The following MDGA2 variants were observed in gnomAD, a reference collection of about 807,000 sequenced individuals.
MDGA2 encodes the protein MAM domain-containing glycosylphosphatidylinositol anchor protein 2.
In MDGA2, 40 loss-of-function variants were observed where a neutral mutation model predicts 117.8. The ratio of observed to expected loss-of-function variants is 0.34; its 90% CI spans 0.26 to 0.44. MDGA2 has a LOEUF of 0.44. MDGA2 is among the 20% of genes least tolerant of loss of function. The probability of loss-of-function intolerance (pLI) is 1.00; values close to 1 mark genes in which losing one functional copy is unlikely to be tolerated. For synonymous variants in MDGA2, 452 were observed against 439.0 expected, an observed-to-expected ratio of 1.03 and a Z score of -0.37; for missense variants, 1,123 against 1,250.6, an observed-to-expected ratio of 0.90 and a Z score of 1.54.
At chr14:47,128,925 G>A (rs1882044546) in intron 5 of MDGA2, among the ~76,000 whole-genome samples, 3 of 151,990 alleles carry the variant, frequency 2.0e-5, no homozygotes, top group South Asian at 4.1e-4. Context: ...TCCTGACCTC[G>A]TGATCTGCCC....
At chr14:47,513,365 T>C (rs1452155730) in intron 1 of MDGA2, among the ~76,000 whole-genome samples, 1 of 152,122 alleles carries the variant, frequency 6.6e-6, no homozygotes, top group East Asian at 1.9e-4. Context: ...ACAATCACTT[T>C]AATATATACA....
intron 9 of MDGA2, among the ~76,000 whole-genome samples, chr14:46,945,320 T>G (rs1885135012): frequency 6.6e-6 from 1 of 152,126 alleles, no homozygotes; most frequent in Non-Finnish European, 1.5e-5. Flanking sequence ...GAATAAGTCT[T>G]TACTCTGACA....
chr14:46,951,810 TG>T (rs775506513), intron 9 of MDGA2, among the ~76,000 whole-genome samples: 3 of 151,976 alleles, frequency 2.0e-5, no homozygotes, highest in Non-Finnish European at 2.9e-5. Flanking sequence ...AAGCCATGCT[TG>T]GAATCCTGAC....
At chr14:47,202,287 T>G (rs1414279636) in intron 3 of MDGA2, among the ~76,000 whole-genome samples, 2 of 152,336 alleles carry the variant, frequency 1.3e-5, no homozygotes, top group East Asian at 1.9e-4. Context: ...ATCATGGGCC[T>G]TTGATAAAGA....
At chr14:47,596,457 A>G (rs1896544402) in intron 1 of MDGA2, among the ~76,000 whole-genome samples, 2 of 152,118 alleles carry the variant, frequency 1.3e-5, no homozygotes, top group Admixed American at 1.3e-4. Context: ...TTGATGTTTC[A>G]TATATTCAGG....
chr14:47,414,617 C>A (rs977857017), intron 1 of MDGA2, among the ~76,000 whole-genome samples: 1 of 152,062 alleles, frequency 6.6e-6, no homozygotes, highest in Non-Finnish European at 1.5e-5. Context: ...TTCCAGAGCT[C>A]TACAAAAATG....
At chr14:47,271,219 C>T (rs1888133325) in intron 2 of MDGA2, among the ~76,000 whole-genome samples, 1 of 152,178 alleles carries the variant, frequency 6.6e-6, no homozygotes, top group Non-Finnish European at 1.5e-5. Flanking sequence ...ATACTAGCAA[C>T]AGCTTCACCT....
intron 1 of MDGA2, among the ~76,000 whole-genome samples, chr14:47,451,025 A>T (rs1163207098): frequency 6.6e-6 from 1 of 152,054 alleles, no homozygotes; most frequent in Non-Finnish European, 1.5e-5. Context: ...AGGGATACTA[A>T]AATGGCAGCT....
At chr14:47,418,287 T>C (rs1381385324) in intron 1 of MDGA2, among the ~76,000 whole-genome samples, 1 of 151,790 alleles carries the variant, frequency 6.6e-6, no homozygotes, top group Non-Finnish European at 1.5e-5. Flanking sequence ...GGTTTCACCA[T>C]GGTGGCCAGG....
At chr14:47,560,512 A>C (rs1021777164) in intron 1 of MDGA2, among the ~76,000 whole-genome samples, 4 of 152,202 alleles carry the variant, frequency 2.6e-5, no homozygotes, top group Admixed American at 2.6e-4. Context: ...TCTTTTGAAA[A>C]GTGTCTGTTC....
chr14:47,026,683 T>C (rs1017230552), intron 8 of MDGA2, among the ~76,000 whole-genome samples: 11 of 152,216 alleles, frequency 7.2e-5, no homozygotes, highest in Non-Finnish European at 1.6e-4. Flanking sequence ...GAAGAAAGAA[T>C]TTAGGTTTTG....
chr14:47,095,442 A>G (rs1465604931), intron 6 of MDGA2, among the ~76,000 whole-genome samples: 1 of 152,006 alleles, frequency 6.6e-6, no homozygotes, highest in African/African-American at 2.4e-5. Flanking sequence ...ATTATAAAAA[A>G]TTAAATTATT....
chr14:46,983,490 G>A (rs1296806437), intron 8 of MDGA2, among the ~76,000 whole-genome samples: 3 of 152,024 alleles, frequency 2.0e-5, no homozygotes, highest in Admixed American at 6.6e-5. Flanking sequence ...GCCTTTAAGT[G>A]TGCTTCCAGC....
chr14:47,440,282 C>A (rs1184660369), intron 1 of MDGA2, among the ~76,000 whole-genome samples: 2 of 152,066 alleles, frequency 1.3e-5, no homozygotes, highest in African/African-American at 4.8e-5. Context: ...AAATATCTGG[C>A]CCCTGATCTG....
At chr14:47,029,031 A>G (rs1343737561) in intron 8 of MDGA2, among the ~76,000 whole-genome samples, 2 of 152,156 alleles carry the variant, frequency 1.3e-5, no homozygotes, top group Non-Finnish European at 2.9e-5. Context: ...CAAAATTGTT[A>G]TATTACCTCA....
chr14:47,357,427 G>A (rs758650419), intron 1 of MDGA2, among the ~76,000 whole-genome samples: 2 of 152,212 alleles, frequency 1.3e-5, no homozygotes, highest in Non-Finnish European at 2.9e-5. Flanking sequence ...ACAGTGTAGG[G>A]TTGGACAATC....
At chr14:46,974,834 G>T (rs1886396814) in intron 8 of MDGA2, among the ~76,000 whole-genome samples, 1 of 151,876 alleles carries the variant, frequency 6.6e-6, no homozygotes, top group South Asian at 2.1e-4. Context: ...TGACACTAAA[G>T]GCATGGATGA....
intron 6 of MDGA2, among the ~76,000 whole-genome samples, chr14:47,082,137 G>C (rs1401601807): frequency 6.6e-6 from 1 of 151,996 alleles, no homozygotes; most frequent in African/African-American, 2.4e-5. Flanking sequence ...AAGTTAGTCT[G>C]TCTCACTACA....
chr14:47,317,359 C>T (rs1412064586), intron 1 of MDGA2, among the ~76,000 whole-genome samples: 1 of 152,006 alleles, frequency 6.6e-6, no homozygotes, highest in Admixed American at 6.6e-5. Context: ...TTTTGAGAAA[C>T]CTAAGGACTG....
Sources: gnomAD v4.1 joint callset for allele counts (sites outside exome capture counted in the v4.1 genomes callset) on GRCh38, gnomAD v4.1.1 for gene constraint, MANE v1.5 for transcripts, NCBI Gene and HGNC (gene_info 2026-07-23, HGNC 2026-07-21) for gene names.